HERC5: variants seen among roughly 807,000 people sequenced by gnomAD.
HERC5 encodes E3 ISG15--protein ligase HERC5.
Under a neutral mutation model 119.6 loss-of-function variants are expected in HERC5, and 99 were observed. The observed-to-expected ratio is 0.83, with a 90% CI of 0.70 to 0.98. The LOEUF (loss-of-function observed/expected upper bound fraction) is 0.98, where lower values mean the gene tolerates loss of function less well. Ranked by LOEUF, HERC5 falls within the 50% of genes least tolerant of loss-of-function variation. The probability of loss-of-function intolerance (pLI) is 0.00; values close to 1 mark genes in which losing one functional copy is unlikely to be tolerated. For synonymous variants in HERC5, 478 were observed against 445.9 expected, an observed-to-expected ratio of 1.07 and a Z score of -0.91; for missense variants, 1,267 against 1,241.3, an observed-to-expected ratio of 1.02 and a Z score of -0.31.
chr4:88,467,206 T>C lies in HERC5; in HGVS notation c.1057+2T>C. On this transcript the variant is annotated splice_donor_variant, in intron 7 of 22. Coordinates refer to ENST00000264350, the MANE Select transcript of HERC5 (RefSeq NM_016323.4). LOFTEE classifies it high-confidence loss of function. ...CATCAAGTGAAGAACTCAAACTTGG[T>C]AAATTCTATAGGAACATAGGGTTTG... is the stretch of plus-strand genomic sequence containing the variant. 1 of 1,614,046 alleles carries C rather than the reference T, an allele frequency of 6.2e-7. No individual in the cohort carries two copies. The highest frequency in any genetic ancestry group is 8.5e-7 in the Non-Finnish European group (1 of 1,179,922).
chr4:88,467,042 G>A lies in HERC5; in HGVS notation c.912-17G>A. 1 of 1,613,386 alleles carries A rather than the reference G, an allele frequency of 6.2e-7. No individual in the cohort carries two copies. The highest frequency in any genetic ancestry group is 8.5e-7 in the Non-Finnish European group (1 of 1,179,406). On this transcript the variant is annotated splice_polypyrimidine_tract_variant and intron_variant, in intron 6 of 22. Coordinates refer to ENST00000264350, the MANE Select transcript of HERC5 (RefSeq NM_016323.4). ...GTGGATAATTAAGAATTGACCATAT[G>A]TGCTTTTATTTAATAGGTGGCACAC...
Position 88,495,539 on chromosome 4 carries a change from G to A in HERC5, c.2444+1208G>A, listed in dbSNP as rs867246809. On this transcript the variant is annotated intron_variant, in intron 18 of 22. Transcript: ENST00000264350. ...CATACCACTGCACTCCAGCCTGGGCGACAGTAGAAGACCCTGTCTCAATTA... is the reference window on the plus strand; with the variant it reads ...CATACCACTGCACTCCAGCCTGGGCAACAGTAGAAGACCCTGTCTCAATTA... Among the ~76,000 whole-genome samples the A allele has an allele frequency of 3.3e-5, 5 of 152,134 alleles. No individual in the cohort carries two copies. In the South Asian group the frequency reaches 8.3e-4, roughly 25 times the overall value.
In HERC5 at chr4:88,476,014, G is replaced by C. The variant is rs756376700; in HGVS notation, c.1566G>C (p.Gln522His). Residue 522 changes from glutamine to histidine, a missense_variant, in exon 12 of 23, where the codon CAG becomes CAC. By Grantham distance (24) the Gln-to-His change is conservative. This residue lies in a region of HERC5 where 777 missense variants were observed against 758.0 expected (regional missense o/e 1.03). Coordinates refer to ENST00000264350, the MANE Select transcript of HERC5 (RefSeq NM_016323.4). ...AGGTTGTTTGTAAAATGAGTGACCA[G>C]TCTTCACTGGTTCTGGGTAAGTTTG... is the stretch of plus-strand genomic sequence containing the variant. The part of the protein sequence containing the change: ...FAKVVCKMSD[Q>H]SSLVLEEYWA... 3 of 1,613,274 alleles carry C rather than the reference G, an allele frequency of 1.9e-6. No individual in the cohort carries two copies. Among genetic ancestry groups the C allele is most frequent in the Non-Finnish European group, 2.5e-6 (3 of 1,179,774 alleles).
intron 12 of HERC5, among the ~76,000 whole-genome samples, chr4:88,477,899 G>A (rs145513876): frequency 3.3e-5 from 5 of 152,346 alleles, no homozygotes; most frequent in African/African-American, 9.6e-5. Context: ...TTCTGTAAGA[G>A]TTAAACACCT....
At position 88,479,642 on chromosome 4, in the gene HERC5, A is replaced by T. The variant is rs566985052; in HGVS notation, c.1737+135A>T. 6.5e-4 allele frequency: 340 copies of T among 523,366 alleles called. 1 individual carries two copies. Among genetic ancestry groups the T allele is most frequent in the African/African-American group, 3.2e-3 (161 of 51,038 alleles). 32.4% of individuals were successfully genotyped at this position (523,366 alleles called of 1,614,324 possible). A position where few individuals can be genotyped will look rare whatever the true frequency, so the allele number is the denominator to read the frequency against. ...ATTGCTATTTTTTTAATTTTTTTTT[A>T]AAATTACATCATACATATAAAGGAA... On this transcript the variant is annotated intron_variant, in intron 13 of 22. Coordinates refer to ENST00000264350, the MANE Select transcript of HERC5 (RefSeq NM_016323.4).
In HERC5 at chr4:88,499,962, C is replaced by T. The variant is rs376687144; in HGVS notation, c.2481C>T (p.Asn827=). 3.9e-5 allele frequency: 63 copies of T among 1,607,468 alleles called. No individual in the cohort carries two copies. The African/African-American group carries it at 7.7e-4, about 20-fold the overall frequency. The change falls in exon 19 of 23, where the codon AAC becomes AAT. Residue 827 remains asparagine (N), a synonymous_variant. Coordinates refer to ENST00000264350, the MANE Select transcript of HERC5 (RefSeq NM_016323.4). ...LQTLLDDEGD[N]FEEVFYIHFN... ...CACTTCTGGATGATGAAGGTGATAACTTTGAGGAAGTATTTTACATCCATT... is the reference window on the plus strand; with the variant it reads ...CACTTCTGGATGATGAAGGTGATAATTTTGAGGAAGTATTTTACATCCATT...
chr4:88,478,657 G>C (rs1741166886), intron 12 of HERC5, among the ~76,000 whole-genome samples: 3 of 152,038 alleles, frequency 2.0e-5, no homozygotes, highest in Non-Finnish European at 4.4e-5. Flanking sequence ...TGTCACCCAG[G>C]TTGGAGTGCT....
chr4:88,478,245 G>A (rs1741151918), intron 12 of HERC5, among the ~76,000 whole-genome samples: 1 of 152,134 alleles, frequency 6.6e-6, no homozygotes, highest in Non-Finnish European at 1.5e-5. Context: ...TATTTATTCA[G>A]TGAAAAATTT....
Position 88,489,282 on chromosome 4 carries a change from T to A in HERC5, c.2079T>A (p.Asp693Glu). ...TCAGAAGGAATCACTTGATTGAGGA[T>A]GTTTTGAATCAGCTAAGTCAATTTG... is the stretch of plus-strand genomic sequence containing the variant. Reference protein sequence around the residue: ...LTVRRNHLIEDVLNQLSQFEN... With the variant: ...LTVRRNHLIEEVLNQLSQFEN... Residue 693 changes from aspartate (D) to glutamate (E), a missense_variant, in exon 16 of 23, where the codon GAT becomes GAA. Physicochemically the swap from Asp to Glu is conservative, Grantham distance 45 (BLOSUM62 2). Transcript: ENST00000264350. 1 of 1,614,026 alleles carries A rather than the reference T, an allele frequency of 6.2e-7. No individual in the cohort carries two copies. Among genetic ancestry groups the A allele is most frequent in the Non-Finnish European group, 8.5e-7 (1 of 1,179,936 alleles).
chr4:88,462,473 G>A (rs1438516773), intron 4 of HERC5, 117 bp downstream of exon 4: 7 of 811,744 alleles, frequency 8.6e-6, no homozygotes, highest in African/African-American at 1.7e-5. Context: ...TGCTCTTCCT[G>A]ATTACCTCTC....
chr4:88,498,225 G>T (rs977189304), intron 18 of HERC5, among the ~76,000 whole-genome samples: 1 of 152,164 alleles, frequency 6.6e-6, no homozygotes, highest in Non-Finnish European at 1.5e-5. Context: ...TGGAGTCATG[G>T]GAGTGAGGCT....
chr4:88,460,135 A>C lies in HERC5; in HGVS notation c.430A>C (p.Thr144Pro). 1 of 1,589,482 alleles carries C rather than the reference A, an allele frequency of 6.3e-7. No individual in the cohort carries two copies. The highest frequency in any genetic ancestry group is 2.3e-5 in the East Asian group (1 of 44,430). ...ILQEKKIIQI[T>P]CGDYHSLALS... is the part of the protein sequence containing the mutation. ...ACAAGAAAAAAAAATAATTCAGATCACATGTGGAGATTACCATTCTCTTGC... is the reference window on the plus strand; with the variant it reads ...ACAAGAAAAAAAAATAATTCAGATCCCATGTGGAGATTACCATTCTCTTGC... The change falls in exon 3 of 23, where the codon ACA becomes CCA. Residue 144 changes from threonine to proline, a missense_variant. Physicochemically the swap from Thr to Pro is conservative, Grantham distance 38. This residue lies in a region of HERC5 where 777 missense variants were observed against 758.0 expected (regional missense o/e 1.03). Transcript: ENST00000264350.
intron 11 of HERC5, 61 bp from the exon 12 acceptor site, chr4:88,475,780 C>A (rs766338419): frequency 7.5e-7 from 1 of 1,339,206 alleles, no homozygotes; most frequent in Admixed American, 1.9e-5. Flanking sequence ...TTATTACCAT[C>A]AGTTGCACCC....
At chr4:88,459,731 TAATCCTATAA>T (rs1740348577) in intron 2 of HERC5, among the ~76,000 whole-genome samples, 1 of 152,156 alleles carries the variant, frequency 6.6e-6, no homozygotes, top group Non-Finnish European at 1.5e-5. Flanking sequence ...ATCCTCACAA[TAATCCTATAA>T]GTTAAATTTC....
At chr4:88,488,563 G>T (rs989206386) in intron 15 of HERC5, among the ~76,000 whole-genome samples, 2 of 151,860 alleles carry the variant, frequency 1.3e-5, no homozygotes, top group South Asian at 4.2e-4. Context: ...ACCTAAAATT[G>T]CCATTTGGTT....
chr4:88,467,844 T>C, intron 7 of HERC5: 1 of 977,148 alleles, frequency 1.0e-6, no homozygotes, highest in South Asian at 4.7e-5. Context: ...GCATTTCTGT[T>C]ACTTGTTTCT....
In HERC5 at chr4:88,487,071, C is replaced by T. The variant is rs369956338; in HGVS notation, c.1854C>T (p.Asp618=). The change falls in exon 15 of 23, where the codon GAC becomes GAT. Residue 618 remains aspartate, a splice_region_variant and synonymous_variant. Transcript: ENST00000264350. ...ATTATTGTCATTTCCATTTTTAGGACGCTTCAGAAAATGTACAATGCTGCG... is the reference window on the plus strand; with the variant it reads ...ATTATTGTCATTTCCATTTTTAGGATGCTTCAGAAAATGTACAATGCTGCG... ...CRRYLWKMTV[D]ASENVQCCVI... is the part of the protein sequence containing the mutation. 50 of 1,599,864 alleles carry T rather than the reference C, an allele frequency of 3.1e-5. No homozygotes were observed. Among genetic ancestry groups the T allele is most frequent in the South Asian group, 6.7e-5 (6 of 89,822 alleles).
chr4:88,501,201 A>G (rs1436103442), intron 20 of HERC5, among the ~76,000 whole-genome samples: 1 of 152,102 alleles, frequency 6.6e-6, no homozygotes. Context: ...AGACCTTTCT[A>G]TTTCCTCCTG....
chr4:88,464,131 G>A (rs1740556838), intron 6 of HERC5, 146 bp downstream of exon 6: 1 of 376,046 alleles, frequency 2.7e-6, no homozygotes, highest in Admixed American at 4.8e-5. Flanking sequence ...TTAGATAAAT[G>A]TAATACCCCT....
Sources: allele counts gnomAD v4.1 joint callset (sites outside exome capture counted in the v4.1 genomes callset), GRCh38; gene constraint gnomAD v4.1.1; regional missense constraint gnomAD v4.1.1; transcripts MANE v1.5; gene names NCBI Gene and HGNC (gene_info 2026-07-23, HGNC 2026-07-21).